Variants in NACC2 observed in about 807,000 individuals in gnomAD.
NACC2 encodes the protein nucleus accumbens-associated protein 2.
A neutral mutation model predicts 25.1 loss-of-function variants in NACC2; 8 were observed. The observed-to-expected ratio is 0.32, with a 90% CI of 0.19 to 0.57. The LOEUF (loss-of-function observed/expected upper bound fraction) is 0.57, where lower values mean the gene tolerates loss of function less well. NACC2 is among the 20% of genes least tolerant of loss of function. NACC2 has a pLI of 0.89. For missense variants in NACC2, 644 were observed against 650.2 expected (o/e 0.99, Z 0.10); for synonymous variants, 435 against 294.7 (o/e 1.48, Z -4.88).
At position 136,050,102 on chromosome 9, in the gene NACC2, G is replaced by C. The variant is rs1035530728; in HGVS notation, c.420C>G (p.Ser140=). 8.2e-3 allele frequency: 6,170 copies of C among 752,032 alleles called. 279 individuals carry two copies. In the African/African-American group the frequency reaches 0.094, roughly 11 times the overall value. The allele number at this position is 752,032 out of a possible 1,614,324, so 46.6% of individuals were successfully genotyped here. ...GCTGGTTGCAGGGGCTCTGGGGCTC[G>C]GAGCCGGCGTCCTCGATCACAGCGG... is the stretch of plus-strand genomic sequence containing the variant. ...SQTAVIEDAG[S]EPQSPCNQLQ... The change falls in exon 2 of 6, where the codon TCC becomes TCG. Residue 140 remains serine (S), a synonymous_variant. Coordinates refer to ENST00000277554, the MANE Select transcript of NACC2 (RefSeq NM_144653.5).
At chr9:136,032,657 G>GT (rs1840490969) in intron 2 of NACC2, among the ~76,000 whole-genome samples, 1 of 152,202 alleles carries the variant, frequency 6.6e-6, no homozygotes. Flanking sequence ...AGCAGTTTGG[G>GT]AGGCCAAGGC....
chr9:136,093,486 G>A (rs1414428138), intron 1 of NACC2, among the ~76,000 whole-genome samples: 5 of 152,134 alleles, frequency 3.3e-5, no homozygotes, highest in Admixed American at 1.3e-4. Flanking sequence ...GCTCCTCCCC[G>A]CCTTCCCGCC....
Position 136,009,387 on chromosome 9 carries a change from G to A in NACC2, c.*2129C>T, listed in dbSNP as rs1840071212. On this transcript the variant is annotated 3_prime_UTR_variant, in exon 6 of 6. Transcript: ENST00000277554. ...AGGCTGGGTGGTTCTTAGTTCAGCA[G>A]AAGGTCTGGATGCCTCTGCACCACT... 1 of 152,312 alleles carries A rather than the reference G, an allele frequency of 6.6e-6. No individual in the cohort carries two copies. The highest frequency in any genetic ancestry group is 1.5e-5 in the Non-Finnish European group (1 of 68,096). 9.4% of individuals were successfully genotyped at this position (152,312 alleles called of 1,614,324 possible). A position where few individuals can be genotyped will look rare whatever the true frequency, so the allele number is the denominator to read the frequency against.
chr9:136,050,772 G>A (rs992695739), intron 1 of NACC2, among the ~76,000 whole-genome samples, 192 bp from the exon 2 acceptor site: 4 of 152,134 alleles, frequency 2.6e-5, no homozygotes, highest in East Asian at 1.9e-4. Flanking sequence ...CCTGGCAGAC[G>A]GGCAAGAGGG....
chr9:136,042,901 CACACAGAG>C (rs1388988389), intron 2 of NACC2, among the ~76,000 whole-genome samples: 17 of 151,392 alleles, frequency 1.1e-4, no homozygotes, highest in Admixed American at 5.9e-4. Context: ...CATACAGACA[CACACAGAG>C]ACACAGAGAC....
chr9:136,049,879 G>C lies in NACC2; in HGVS notation c.643C>G (p.Pro215Ala), dbSNP rs1840790383. 1 of 612,384 alleles carries C rather than the reference G, an allele frequency of 1.6e-6. No homozygotes were observed. The highest frequency in any genetic ancestry group is 3.0e-6 in the Non-Finnish European group (1 of 335,640). The allele number at this position is 612,384 out of a possible 1,614,324, so 37.9% of individuals were successfully genotyped here. ...TAGGAGACACGGGGCAGTTTGAGAG[G>C]GGCTGTGCCCGCCGCCACCGCAGCC... ...AGAAVAAGTA[P>A]LKLPRVSYYG... Residue 215 changes from proline (P) to alanine (A), a missense_variant, in exon 2 of 6, where the codon CCT becomes GCT. Pro to Ala is a conservative substitution (Grantham distance 27). Coordinates refer to ENST00000277554, the MANE Select transcript of NACC2 (RefSeq NM_144653.5).
At position 136,022,915 on chromosome 9, in the gene NACC2, C is replaced by A. The variant is rs1840314161; in HGVS notation, c.887-6486G>T. 9.8e-6 allele frequency among the ~76,000 whole-genome samples: 1 copy of A among 102,096 alleles called. No homozygotes were observed. The highest frequency in any genetic ancestry group is 9.9e-5 in the Admixed American group (1 of 10,120). 67.0% of individuals were successfully genotyped at this position (102,096 alleles called of 152,430 possible). A position where few individuals can be genotyped will look rare whatever the true frequency, so the allele number is the denominator to read the frequency against. On this transcript the variant is annotated intron_variant, in intron 2 of 5. Coordinates refer to ENST00000277554, the MANE Select transcript of NACC2 (RefSeq NM_144653.5). This position sits in a 1 kb window ranked among gnomAD's most constrained non-coding sequence, Gnocchi z 4.4. ...AATTACCACGCCATGCCACGCCACA[C>A]CGTGCCTGTTAAGACACAGCCCGTT... is the stretch of plus-strand genomic sequence containing the variant.
At position 136,050,698 on chromosome 9, in the gene NACC2, G is replaced by A. The variant is rs1394255778; in HGVS notation, c.-59-118C>T. On this transcript the variant is annotated intron_variant, in intron 1 of 5. Transcript: ENST00000277554. ...CTTACAAAGAGCGAGCCTTCCGCAC[G>A]CGCCCTCCCCCGCCCCTCCTGGCTG... 33 of 625,782 alleles carry A rather than the reference G, an allele frequency of 5.3e-5. No individual in the cohort carries two copies. The East Asian group carries it at 8.2e-4, about 16-fold the overall frequency. The allele number at this position is 625,782 out of a possible 1,614,324, so 38.8% of individuals were successfully genotyped here.
chr9:136,038,649 T>C (rs1840588850), intron 2 of NACC2, among the ~76,000 whole-genome samples: 1 of 152,238 alleles, frequency 6.6e-6, no homozygotes, highest in African/African-American at 2.4e-5. Flanking sequence ...AAGATTACTT[T>C]ATGGTAAAAA....
At chr9:136,049,054 G>A (rs1009838513) in intron 2 of NACC2, among the ~76,000 whole-genome samples, 1 of 152,238 alleles carries the variant, frequency 6.6e-6, no homozygotes, top group Non-Finnish European at 1.5e-5. Context: ...TCCAGAGGCT[G>A]TAACCAGGAA....
At chr9:136,033,890 A>T (rs1191353199) in intron 2 of NACC2, among the ~76,000 whole-genome samples, 3 of 135,024 alleles carry the variant, frequency 2.2e-5, no homozygotes, top group Non-Finnish European at 3.1e-5. Flanking sequence ...ATCAAATTCC[A>T]GCAGGTGTGT....
Position 136,029,826 on chromosome 9 carries a change from G to A in NACC2, c.887-13397C>T, listed in dbSNP as rs143695971. 7.1e-3 allele frequency among the ~76,000 whole-genome samples: 1,084 copies of A among 152,254 alleles called. 15 individuals carry two copies. The highest frequency in any genetic ancestry group is 0.025 in the African/African-American group (1,028 of 41,530). ...CAGTGGCTGGGCCTGGAGCTTGCTC[G>A]CTCACACACCCCTTGCTGCTCTGTG... On this transcript the variant is annotated intron_variant, in intron 2 of 5. Transcript: ENST00000277554.
chr9:136,045,941 C>T (rs1029361804), intron 2 of NACC2, among the ~76,000 whole-genome samples: 3 of 152,148 alleles, frequency 2.0e-5, no homozygotes, highest in African/African-American at 4.8e-5. Context: ...GCTGCCTTGC[C>T]GGGGAAGCCC....
Position 136,014,927 on chromosome 9 carries a change from T to C in NACC2, c.1052-958A>G, listed in dbSNP as rs78163854. On this transcript the variant is annotated intron_variant, in intron 3 of 5. Coordinates refer to ENST00000277554, the MANE Select transcript of NACC2 (RefSeq NM_144653.5). ...GCAGGACTGAACCCTCTGGGAACAA[T>C]GGGGAGGGAATGCTTTCTGGGGGCA... Among the ~76,000 whole-genome samples the C allele has an allele frequency of 8.8e-3, 1,343 of 152,198 alleles. 19 individuals carry two copies. The highest frequency in any genetic ancestry group is 0.031 in the African/African-American group (1,269 of 41,516).
intron 2 of NACC2, among the ~76,000 whole-genome samples, chr9:136,038,119 T>A (rs915870901): frequency 6.6e-6 from 1 of 152,172 alleles, no homozygotes; most frequent in Non-Finnish European, 1.5e-5. Context: ...AGGAAACAGA[T>A]TAGCGGTGGC....
chr9:136,024,076 TGTGA>T (rs747471609), intron 2 of NACC2, among the ~76,000 whole-genome samples: 13 of 147,056 alleles, frequency 8.8e-5, no homozygotes, highest in South Asian at 6.5e-4. Flanking sequence ...GAGGCCAGAG[TGTGA>T]GTGAGGGCCA....
chr9:136,046,540 A>G (rs1840728238), intron 2 of NACC2, among the ~76,000 whole-genome samples: 1 of 152,240 alleles, frequency 6.6e-6, no homozygotes, highest in East Asian at 1.9e-4. Context: ...GGAAGCACTG[A>G]GCGTCCCGAG....
chr9:136,018,069 G>A lies in NACC2; in HGVS notation c.887-1640C>T, dbSNP rs974330728. Among the ~76,000 whole-genome samples, 2 of 152,160 alleles carry A rather than the reference G, an allele frequency of 1.3e-5. No homozygotes were observed. The highest frequency in any genetic ancestry group is 2.9e-5 in the Non-Finnish European group (2 of 67,994). ...TGCTGGTCTCAGCTGTGCAGAGGGAGGGGTGGGGTGGAACCTGCACGTCCA... is the reference window on the plus strand; with the variant it reads ...TGCTGGTCTCAGCTGTGCAGAGGGAAGGGTGGGGTGGAACCTGCACGTCCA... On this transcript the variant is annotated intron_variant, in intron 2 of 5. Transcript: ENST00000277554. This position sits in a 1 kb window ranked among gnomAD's most constrained non-coding sequence, Gnocchi z 4.4.
At chr9:136,032,010 C>T (rs1164180077) in intron 2 of NACC2, among the ~76,000 whole-genome samples, 18 of 144,524 alleles carry the variant, frequency 1.2e-4, no homozygotes, top group Admixed American at 1.1e-3. Flanking sequence ...GGGTCGTCCT[C>T]GGCAGCACCC....
Sources: allele counts gnomAD v4.1 joint callset (sites outside exome capture counted in the v4.1 genomes callset), GRCh38; gene constraint gnomAD v4.1.1; non-coding constraint Gnocchi (gnomAD v3.1); transcripts MANE v1.5; gene names NCBI Gene and HGNC (gene_info 2026-07-23, HGNC 2026-07-21).